KIAA1549L: variants seen among roughly 807,000 people sequenced by gnomAD.
KIAA1549L encodes the protein KIAA1549 like.
A neutral mutation model predicts 160.7 loss-of-function variants in KIAA1549L; 88 were observed. The observed-to-expected ratio is 0.55, with a 90% confidence interval of 0.46 to 0.65. KIAA1549L has a LOEUF of 0.65. Ranked by LOEUF, KIAA1549L falls within the 30% of genes least tolerant of loss-of-function variation. The pLI is 0.00. For missense variants in KIAA1549L, 2,258 were observed against 2,437.5 expected, an observed-to-expected ratio of 0.93 and a Z score of 1.55; for synonymous variants, 950 against 976.7, an observed-to-expected ratio of 0.97 and a Z score of 0.51.
intron 1 of KIAA1549L, among the ~76,000 whole-genome samples, chr11:33,436,009 A>C (rs1234107634): frequency 6.7e-6 from 1 of 149,648 alleles, no homozygotes; most frequent in Non-Finnish European, 1.5e-5. Flanking sequence ...TAATAAACTA[A>C]TAAGGTAGAA....
At chr11:33,443,839 A>G (rs1173126117) in intron 1 of KIAA1549L, among the ~76,000 whole-genome samples, 1 of 152,196 alleles carries the variant, frequency 6.6e-6, no homozygotes, top group African/African-American at 2.4e-5. Context: ...ATCTTGATGG[A>G]GAAAAAGTGG....
chr11:33,384,135 T>G (rs567744406), intron 1 of KIAA1549L, among the ~76,000 whole-genome samples: 43 of 152,096 alleles, frequency 2.8e-4, no homozygotes, highest in Non-Finnish European at 5.1e-4. Context: ...GTTAATCCAC[T>G]CCCCCAACAC....
chr11:33,618,695 T>C, intron 16 of KIAA1549L, 33 bp downstream of exon 16: 1 of 1,521,550 alleles, frequency 6.6e-7, no homozygotes, highest in African/African-American at 1.4e-5. Flanking sequence ...AAATACAAGC[T>C]TTCCTTTCCC....
chr11:33,565,383 A>T (rs1216453766), intron 8 of KIAA1549L, among the ~76,000 whole-genome samples: 1 of 152,192 alleles, frequency 6.6e-6, no homozygotes, highest in Non-Finnish European at 1.5e-5. Flanking sequence ...CAAGGGCCTT[A>T]TGATAGTACC....
At chr11:33,614,368 C>T (rs1850723555) in intron 15 of KIAA1549L, among the ~76,000 whole-genome samples, 1 of 150,146 alleles carries the variant, frequency 6.7e-6, no homozygotes, top group African/African-American at 2.4e-5. Flanking sequence ...GGCTCTCCAC[C>T]CTGAGTCACT....
intron 1 of KIAA1549L, among the ~76,000 whole-genome samples, chr11:33,402,237 T>C (rs1307858988): frequency 1.3e-5 from 2 of 152,206 alleles, no homozygotes; most frequent in African/African-American, 4.8e-5. Context: ...TCTTGGTGAA[T>C]GGAGCTTCTG....
intron 1 of KIAA1549L, among the ~76,000 whole-genome samples, chr11:33,439,527 G>A (rs866501333): frequency 2.7e-5 from 4 of 150,566 alleles, no homozygotes; most frequent in South Asian, 4.2e-4. Context: ...CTCAGCCTCC[G>A]GAGTAGCTGG....
chr11:33,621,399 C>T (rs531280299), intron 16 of KIAA1549L, among the ~76,000 whole-genome samples: 2 of 152,314 alleles, frequency 1.3e-5, no homozygotes, highest in South Asian at 4.1e-4. Context: ...AACAATACCT[C>T]ACTTGGTAGT....
intron 11 of KIAA1549L, among the ~76,000 whole-genome samples, chr11:33,585,244 C>T (rs189741653): frequency 6.0e-4 from 92 of 152,266 alleles, no homozygotes; most frequent in African/African-American, 1.9e-3. Flanking sequence ...TTTGGCCGGG[C>T]GCGGTGGCTC....
intron 1 of KIAA1549L, among the ~76,000 whole-genome samples, chr11:33,533,608 TG>T (rs1262034242): frequency 6.6e-6 from 1 of 152,222 alleles, no homozygotes; most frequent in African/African-American, 2.4e-5. Flanking sequence ...ATAGCCTTAC[TG>T]GGGTGACTTG....
intron 1 of KIAA1549L, among the ~76,000 whole-genome samples, chr11:33,475,327 G>A (rs1255227300): frequency 6.6e-6 from 1 of 152,106 alleles, no homozygotes; most frequent in Non-Finnish European, 1.5e-5. Flanking sequence ...TGTAAATATA[G>A]CCTGTTTCTT....
At chr11:33,482,373 A>G (rs142284626) in intron 1 of KIAA1549L, among the ~76,000 whole-genome samples, 83 of 152,152 alleles carry the variant, frequency 5.5e-4, no homozygotes, top group African/African-American at 1.9e-3. Context: ...GGTGGTGACA[A>G]TGGGACATTG....
intron 16 of KIAA1549L, among the ~76,000 whole-genome samples, chr11:33,629,946 G>A (rs1466366741): frequency 2.7e-5 from 4 of 150,824 alleles, no homozygotes; most frequent in Non-Finnish European, 5.9e-5. Context: ...TGATGATGGT[G>A]ATGTACAGAT....
chr11:33,532,121 C>T (rs1479944793), intron 1 of KIAA1549L, among the ~76,000 whole-genome samples: 1 of 152,180 alleles, frequency 6.6e-6, no homozygotes, highest in Non-Finnish European at 1.5e-5. Flanking sequence ...TTGGTGTGAC[C>T]TTGACTAAGC....
chr11:33,530,309 G>A (rs569805074), intron 1 of KIAA1549L, among the ~76,000 whole-genome samples: 2 of 150,410 alleles, frequency 1.3e-5, no homozygotes, highest in Non-Finnish European at 3.0e-5. Flanking sequence ...GGCTGAGTCA[G>A]GAGAATGGCA....
chr11:33,380,416 TAGA>T (rs925430915), intron 1 of KIAA1549L, among the ~76,000 whole-genome samples: 52 of 152,294 alleles, frequency 3.4e-4, no homozygotes, highest in African/African-American at 1.3e-3. Context: ...TGCATGTTGA[TAGA>T]AGGTTTTGCT....
At chr11:33,582,957 A>C (rs1001282183) in intron 10 of KIAA1549L, among the ~76,000 whole-genome samples, 2 of 152,078 alleles carry the variant, frequency 1.3e-5, no homozygotes, top group African/African-American at 4.8e-5. Flanking sequence ...CACATTTCTA[A>C]TCTGCACATT....
intron 14 of KIAA1549L, among the ~76,000 whole-genome samples, chr11:33,608,814 CT>C (rs1433135840): frequency 6.6e-6 from 1 of 152,236 alleles, no homozygotes; most frequent in East Asian, 1.9e-4. Context: ...CTGAACTGTT[CT>C]CTATAATTTG....
At chr11:33,626,015 GA>G (rs1359854722) in intron 16 of KIAA1549L, among the ~76,000 whole-genome samples, 1 of 150,438 alleles carries the variant, frequency 6.6e-6, no homozygotes, top group Non-Finnish European at 1.5e-5. Flanking sequence ...ATTAAATAGG[GA>G]ATCCTTTCCC....
Sources: allele counts gnomAD v4.1 joint callset (sites outside exome capture counted in the v4.1 genomes callset), GRCh38; gene constraint gnomAD v4.1.1; transcripts MANE v1.5; gene names NCBI Gene and HGNC (gene_info 2026-07-23, HGNC 2026-07-21).